TNNT3: variants seen among roughly 807,000 people sequenced by gnomAD.
TNNT3 encodes the protein troponin T3, fast skeletal type.
Under a neutral mutation model 54.2 loss-of-function variants are expected in TNNT3, and 36 were observed. The ratio of observed to expected loss-of-function variants is 0.66; its 90% CI spans 0.51 to 0.88. The LOEUF is 0.88. TNNT3 is among the 40% of genes least tolerant of loss of function. The pLI, the probability that TNNT3 is intolerant of heterozygous loss-of-function variation, is 0.00. For missense variants in TNNT3, 291 were observed against 331.6 expected, an observed-to-expected ratio of 0.88 and a Z score of 0.95; for synonymous variants, 120 against 109.7, an observed-to-expected ratio of 1.09 and a Z score of -0.59.
chr11:1,932,066 G>A (rs1853543741), intron 8 of TNNT3, among the ~76,000 whole-genome samples: 1 of 152,194 alleles, frequency 6.6e-6, no homozygotes, highest in Non-Finnish European at 1.5e-5. Flanking sequence ...AAAGGCACAG[G>A]CTCGCAGCAG....
chr11:1,937,448 C>T (rs1050550592), intron 15 of TNNT3, among the ~76,000 whole-genome samples: 7 of 152,182 alleles, frequency 4.6e-5, no homozygotes, highest in African/African-American at 9.7e-5. Flanking sequence ...CCCTCTGTGA[C>T]GCTGGGCAAA....
chr11:1,927,606 G>A (rs1170105210), intron 6 of TNNT3, among the ~76,000 whole-genome samples: 3 of 152,166 alleles, frequency 2.0e-5, no homozygotes, highest in African/African-American at 7.2e-5. Flanking sequence ...AGGGTTGCTG[G>A]GCCGCTCTGG....
At chr11:1,936,297 G>T (rs532000893) in intron 14 of TNNT3, 4 of 1,606,568 alleles carry the variant, frequency 2.5e-6, no homozygotes, top group African/African-American at 1.3e-5. Flanking sequence ...GTGGGTGTGC[G>T]TTGCACGGTG....
chr11:1,924,335 G>A (rs528221671), intron 4 of TNNT3, among the ~76,000 whole-genome samples: 4 of 152,306 alleles, frequency 2.6e-5, no homozygotes, highest in South Asian at 4.1e-4. Flanking sequence ...GGGTGTGGGC[G>A]CACCTGGGAA....
intron 8 of TNNT3, among the ~76,000 whole-genome samples, chr11:1,931,721 T>G (rs949525649): frequency 3.8e-5 from 4 of 104,804 alleles, no homozygotes; most frequent in African/African-American, 1.3e-4. Flanking sequence ...CCATTTTCCG[T>G]TTTTTTTTTT....
chr11:1,922,124 G>A (rs1312349204), intron 1 of TNNT3, among the ~76,000 whole-genome samples: 2 of 152,168 alleles, frequency 1.3e-5, no homozygotes, highest in Non-Finnish European at 2.9e-5. Flanking sequence ...CACGGGAAGC[G>A]GCCCAGACCC....
At chr11:1,937,978 C>A (rs986815007) in intron 15 of TNNT3, among the ~76,000 whole-genome samples, 1 of 152,194 alleles carries the variant, frequency 6.6e-6, no homozygotes, top group Non-Finnish European at 1.5e-5. Context: ...GTCCTCCACC[C>A]GCCTTCACCC....
At chr11:1,925,280 T>A in intron 5 of TNNT3, 164 bp downstream of exon 5, 1 of 1,600,292 alleles carries the variant, frequency 6.2e-7, no homozygotes, top group Non-Finnish European at 8.5e-7. Context: ...GAGGAAGGTA[T>A]GAGGACACAG....
In TNNT3 at chr11:1,926,707, A is replaced by G; in HGVS notation, c.80A>G (p.Glu27Gly). The change falls in exon 6 of 16, where the codon GAA (glutamate) becomes GGA (glycine). Residue 27 changes from glutamate (E) to glycine (G), a missense_variant and splice_region_variant. Transcript: ENST00000278317. The part of the protein sequence containing the change: ...EEAQEEEEVQ[E>G]DTAEEDAEEE... ...GCTGCTTCTGCAGAGGAAGTTCAAG[A>G]AGGTACGCCGGCGCTCCCCCGCCTC... 6.2e-7 allele frequency: 1 copy of G among 1,613,172 alleles called. No individual in the cohort carries two copies. The highest frequency in any genetic ancestry group is 1.1e-5 in the South Asian group (1 of 91,078).
At chr11:1,926,653 C>T in intron 5 of TNNT3, 42 bp from the exon 6 acceptor site, 1 of 1,613,278 alleles carries the variant, frequency 6.2e-7, no homozygotes, top group Non-Finnish European at 8.5e-7. Context: ...CTGGTCCTCT[C>T]TCTCTCCCGC....
intron 9 of TNNT3, among the ~76,000 whole-genome samples, chr11:1,932,766 A>G (rs562906591): frequency 6.6e-6 from 1 of 150,716 alleles, no homozygotes; most frequent in South Asian, 2.1e-4. Context: ...CCATTCACCT[A>G]TCCATTCATA....
At chr11:1,922,956 GGCTGGAGCATGCGCTATCTTGCACAAGT>G in intron 2 of TNNT3, 64 bp from the exon 3 acceptor site, 3 of 1,613,604 alleles carry the variant, frequency 1.9e-6, no homozygotes, top group Non-Finnish European at 2.5e-6. Context: ...GCTTCTGTGG[GGCTGGAGCATGCGCTATCTTGCACAAGT>G]CCAAGCAAAG....
intron 9 of TNNT3, 103 bp downstream of exon 9, chr11:1,932,617 G>A (rs775026542): frequency 2.3e-5 from 26 of 1,130,940 alleles, no homozygotes; most frequent in South Asian, 8.8e-5. Context: ...AGCCAGAGCC[G>A]GGGCCTCCTG....
At chr11:1,925,170 C>G in intron 5 of TNNT3, 54 bp downstream of exon 5, 1 of 1,602,344 alleles carries the variant, frequency 6.2e-7, no homozygotes, top group Non-Finnish European at 8.5e-7. Flanking sequence ...CCTTCCCGCC[C>G]CACCCAAAGT....
chr11:1,925,458 T>C (rs1328391657), intron 5 of TNNT3: 27 of 690,308 alleles, frequency 3.9e-5, no homozygotes, highest in Non-Finnish European at 1.5e-5. Flanking sequence ...AGAGAGAGAA[T>C]GGGGTCTCGA....
At chr11:1,937,674 T>C (rs939683668) in intron 15 of TNNT3, among the ~76,000 whole-genome samples, 10 of 152,166 alleles carry the variant, frequency 6.6e-5, no homozygotes, top group Non-Finnish European at 2.9e-5. Context: ...GGAGTTTCGA[T>C]GTTTTCTGGG....
chr11:1,925,009 C>T (rs1239240205), intron 4 of TNNT3, 90 bp from the exon 5 acceptor site: 5 of 1,504,532 alleles, frequency 3.3e-6, no homozygotes, highest in Admixed American at 1.7e-5. Context: ...GCCTCCTGTC[C>T]TTGCGGCCTG....
At position 1,933,795 on chromosome 11, in the gene TNNT3, G is replaced by A. The variant is rs762855260; in HGVS notation, c.246G>A (p.Arg82=). The A allele has an allele frequency of 5.0e-6, 8 of 1,612,916 alleles. No homozygotes were observed. In the South Asian group the frequency reaches 7.7e-5, roughly 15 times the overall value. ...TCATCGACAGCCACTTTGAAGCCCG[G>A]AAGAAGGAGGAGGAGGAGCTGGTCG... is the stretch of plus-strand genomic sequence containing the variant. ...QALIDSHFEA[R]KKEEEELVAL... The change falls in exon 10 of 16, where the codon CGG becomes CGA. Residue 82 remains arginine, a synonymous_variant. Transcript: ENST00000278317.
In TNNT3 at chr11:1,929,067, G is replaced by A. The variant is rs370366432; in HGVS notation, c.83-53G>A. On this transcript the variant is annotated intron_variant, in intron 6 of 15. Transcript: ENST00000278317. ...GCCCCTTGCCCACTGCTCCCCCGCA[G>A]CCGCACTGGCTTTTCTCTTGCATGT... The A allele has an allele frequency of 3.7e-6, 6 of 1,610,328 alleles. No individual in the cohort carries two copies. In the African/African-American group the frequency reaches 8.0e-5, roughly 21 times the overall value.
Sources: allele counts gnomAD v4.1 joint callset (sites outside exome capture counted in the v4.1 genomes callset), GRCh38; gene constraint gnomAD v4.1.1; transcripts MANE v1.5; gene names NCBI Gene and HGNC (gene_info 2026-07-23, HGNC 2026-07-21).